Variants in ITGB4 observed in about 807,000 individuals in gnomAD.
ITGB4 encodes the protein integrin subunit beta 4.
Under a neutral mutation model 207.6 loss-of-function variants are expected in ITGB4, and 159 were observed. That is an observed-to-expected ratio of 0.77 (90% CI 0.67 to 0.87). The LOEUF is 0.87. Ranked by LOEUF, ITGB4 falls within the 40% of genes least tolerant of loss-of-function variation. The pLI, the probability that ITGB4 is intolerant of heterozygous loss-of-function variation, is 0.00. For missense variants in ITGB4, 2,278 were observed against 2,546.8 expected (o/e 0.89, Z 2.27); for synonymous variants, 1,020 against 1,062.7 (o/e 0.96, Z 0.78).
chr17:75,756,837 C>G lies in ITGB4; in HGVS notation c.5031C>G (p.Thr1677=). 9 of 1,612,372 alleles carry G rather than the reference C, an allele frequency of 5.6e-6. No individual in the cohort carries two copies. The highest frequency in any genetic ancestry group is 7.6e-6 in the Non-Finnish European group (9 of 1,179,994). The stretch of plus-strand genomic sequence containing the variant: ...GGGATATCGTCGGCTACCTGGTGAC[C>G]TGTGAGATGGCCCAAGGAGGAGGTG... The part of the protein sequence containing the change: ...PNGDIVGYLV[T]CEMAQGGGPA... Residue 1677 remains threonine (T), a synonymous_variant, in exon 37 of 40, where the codon ACC becomes ACG. Transcript: ENST00000200181.
At position 75,753,985 on chromosome 17, in the gene ITGB4, C is replaced by T; in HGVS notation, c.4318+11C>T. On this transcript the variant is annotated intron_variant, in intron 33 of 39. Coordinates refer to ENST00000200181, the MANE Select transcript of ITGB4 (RefSeq NM_000213.5). ...CCGGGCCCCCCGGAGGTGACAGGCT[C>T]ACCCGCCGCCCCCCGATCCGCGCCC... 1 of 1,163,286 alleles carries T rather than the reference C, an allele frequency of 8.6e-7. No individual in the cohort carries two copies. The highest frequency in any genetic ancestry group is 3.4e-5 in the South Asian group (1 of 29,522). The allele number at this position is 1,163,286 out of a possible 1,614,324, so 72.1% of individuals were successfully genotyped here.
At position 75,729,247 on chromosome 17, in the gene ITGB4, C is replaced by T. The variant is rs777708593; in HGVS notation, c.567-18C>T. On this transcript the variant is annotated intron_variant, in intron 6 of 39. Coordinates refer to ENST00000200181, the MANE Select transcript of ITGB4 (RefSeq NM_000213.5). This position sits in a 1 kb window ranked among gnomAD's most constrained non-coding sequence, Gnocchi z 4.4. ...TCTTCCCCCTGTGACACTCTCTCTC[C>T]CTCCCACCTCTGCCCAGGCTGAAGG... 5.0e-6 allele frequency: 8 copies of T among 1,612,680 alleles called. No homozygotes were observed. In the African/African-American group the frequency reaches 5.3e-5, roughly 11 times the overall value.
rs761102118 is a variant in ITGB4, at chr17:75,727,894, G to T, written c.469+39G>T. The T allele has an allele frequency of 6.3e-7, 1 of 1,589,026 alleles. No homozygotes were observed. The highest frequency in any genetic ancestry group is 1.3e-5 in the African/African-American group (1 of 74,416). On this transcript the variant is annotated intron_variant, in intron 5 of 39. Transcript: ENST00000200181. This position sits in a 1 kb window ranked among gnomAD's most constrained non-coding sequence, Gnocchi z 6.0. ...AGAGTGGAGGACAGCAGGGCAGGAG[G>T]GGGACAGGTGGGCGTCTGCTTGGGA...
intron 26 of ITGB4, among the ~76,000 whole-genome samples, chr17:75,746,812 G>A (rs961194696): frequency 6.6e-6 from 1 of 151,460 alleles, no homozygotes; most frequent in Non-Finnish European, 1.5e-5. Context: ...GTTGTGGTGT[G>A]CACCTGTGGT....
At position 75,751,101 on chromosome 17, in the gene ITGB4, C is replaced by T. The variant is rs760218717; in HGVS notation, c.3783C>T (p.Asn1261=). Residue 1261 remains asparagine, a synonymous_variant, in exon 30 of 40, where the codon AAC becomes AAT. Coordinates refer to ENST00000200181, the MANE Select transcript of ITGB4 (RefSeq NM_000213.5). ...TAYEVCYGLV[N]DDNRPIGPMK... is the part of the protein sequence containing the mutation. ...ACGAGGTCTGCTATGGCCTGGTCAACGATGACAACCGTAAGAACCAGATCC... is the reference window on the plus strand; with the variant it reads ...ACGAGGTCTGCTATGGCCTGGTCAATGATGACAACCGTAAGAACCAGATCC... The T allele has an allele frequency of 6.8e-6, 11 of 1,613,576 alleles. No homozygotes were observed. The East Asian group carries it at 8.9e-5, about 13-fold the overall frequency.
intron 33 of ITGB4, 110 bp from the exon 34 acceptor site, chr17:75,754,466 G>A: frequency 1.4e-6 from 2 of 1,437,206 alleles, no homozygotes; most frequent in Non-Finnish European, 1.9e-6. Flanking sequence ...TTGTATTTAA[G>A]CAAAAGCCAC....
chr17:75,745,578 AAAT>A (rs1304922240), intron 26 of ITGB4, among the ~76,000 whole-genome samples: 1 of 151,816 alleles, frequency 6.6e-6, no homozygotes, highest in African/African-American at 2.4e-5. Context: ...TATTTTAAAA[AAAT>A]AATAATAATA....
chr17:75,724,525 G>A (rs934655094), intron 1 of ITGB4, among the ~76,000 whole-genome samples, 169 bp from the exon 2 acceptor site: 6 of 152,262 alleles, frequency 3.9e-5, no homozygotes, highest in Admixed American at 1.3e-4. Flanking sequence ...ACAGGGCAGC[G>A]GAAAAGGCAG....
chr17:75,757,466 C>T lies in ITGB4; in HGVS notation c.5380C>T (p.Arg1794Trp), dbSNP rs1298050025. 8.1e-6 allele frequency: 13 copies of T among 1,612,662 alleles called. No individual in the cohort carries two copies. The highest frequency in any genetic ancestry group is 1.7e-5 in the Admixed American group (1 of 59,998). The change falls in exon 40 of 40, where the codon CGG becomes TGG. Residue 1794 changes from arginine to tryptophan, a missense_variant. Physicochemically the swap from Arg to Trp is moderately radical, Grantham distance 101. Coordinates refer to ENST00000200181, the MANE Select transcript of ITGB4 (RefSeq NM_000213.5). ...QHLEAGGSLTRHVTQEFVSRT... is the reference protein window; with the variant it reads ...QHLEAGGSLTWHVTQEFVSRT... ...CCTGGAGGCAGGCGGCTCCCTCACC[C>T]GGCATGTGACCCAGGAGTTTGTGAG...
chr17:75,750,249 G>T lies in ITGB4; in HGVS notation c.3455G>T (p.Gly1152Val), dbSNP rs1230730371. Residue 1152 changes from glycine to valine, a missense_variant, in exon 28 of 40, where the codon GGC (glycine) becomes GTC (valine). Gly to Val is a moderately radical substitution (Grantham distance 109). Transcript: ENST00000200181. The surrounding 1 kb of genome is among the most constrained non-coding windows in gnomAD (Gnocchi z 5.5). ...CATTTCAACTGGCTGCCCCCTTCTG[G>T]CAAGCCAATGGGGTACAGGGTAAGG... ...KIHFNWLPPS[G>V]KPMGYRVKYW... 12 of 1,613,112 alleles carry T rather than the reference G, an allele frequency of 7.4e-6. No individual in the cohort carries two copies. Among genetic ancestry groups the T allele is most frequent in the Non-Finnish European group, 1.0e-5 (12 of 1,179,814 alleles).
rs2061098908 is a variant in ITGB4, at chr17:75,741,064, C to T, written c.2633+59C>T. 8 of 1,581,706 alleles carry T rather than the reference C, an allele frequency of 5.1e-6. No homozygotes were observed. The South Asian group carries it at 7.8e-5, about 15-fold the overall frequency. On this transcript the variant is annotated intron_variant, in intron 23 of 39. Transcript: ENST00000200181. ...ACTTCCTGCCCGCCTGTCCCCAGCC[C>T]AGCCACTGCCTCGTCCGTCCCTACT... is the stretch of plus-strand genomic sequence containing the variant.
intron 26 of ITGB4, 21 bp downstream of exon 26, chr17:75,743,882 C>T (rs778717982): frequency 1.0e-5 from 16 of 1,562,650 alleles, no homozygotes; most frequent in East Asian, 7.2e-5. Context: ...GCCACAGGGT[C>T]GAGGGTGCAG....
At position 75,743,858 on chromosome 17, in the gene ITGB4, C is replaced by T. The variant is rs767298960; in HGVS notation, c.3108C>T (p.Asn1036=). 1.3e-5 allele frequency: 21 copies of T among 1,583,410 alleles called. No homozygotes were observed. The highest frequency in any genetic ancestry group is 1.8e-5 in the Non-Finnish European group (21 of 1,165,556). ...YRTQDGTAQG[N]RDYIPVEGEL... is the part of the protein sequence containing the mutation. ...CACAGGATGGCACCGCGCAGGGCAACCGGGTGAGGCTGCGCCACAGGGTCG... is the reference window on the plus strand; with the variant it reads ...CACAGGATGGCACCGCGCAGGGCAATCGGGTGAGGCTGCGCCACAGGGTCG... The change falls in exon 26 of 40, where the codon AAC becomes AAT. Residue 1036 remains asparagine, a synonymous_variant. Transcript: ENST00000200181.
At chr17:75,755,456 G>C (rs901515593) in intron 34 of ITGB4, among the ~76,000 whole-genome samples, 1 of 152,190 alleles carries the variant, frequency 6.6e-6, no homozygotes, top group African/African-American at 2.4e-5. Context: ...GAGCAGTTGA[G>C]GGGGTGGGGC....
chr17:75,751,196 C>T, intron 30 of ITGB4, 85 bp downstream of exon 30: 5 of 1,494,754 alleles, frequency 3.3e-6, no homozygotes, highest in Non-Finnish European at 4.6e-6. Flanking sequence ...CTCTTGGTCA[C>T]TCCCTGGACC....
chr17:75,750,052 C>A lies in ITGB4; in HGVS notation c.3317-59C>A. The A allele has an allele frequency of 3.1e-6, 5 of 1,602,172 alleles. No individual in the cohort carries two copies. The highest frequency in any genetic ancestry group is 4.3e-6 in the Non-Finnish European group (5 of 1,170,228). On this transcript the variant is annotated intron_variant, in intron 27 of 39. Coordinates refer to ENST00000200181, the MANE Select transcript of ITGB4 (RefSeq NM_000213.5). The surrounding 1 kb of genome is among the most constrained non-coding windows in gnomAD (Gnocchi z 5.5). The stretch of plus-strand genomic sequence containing the variant: ...CCTGGGTGTTGAAGTGGGTCTCTGG[C>A]GCCCCCTGGTGGTGAAGGGGGATCT...
chr17:75,756,471 C>T lies in ITGB4; in HGVS notation c.4751C>T (p.Ser1584Leu), dbSNP rs375075647. Reference sequence around the variant, plus strand: ...AACATCCCCAACCCTGCCCAGACCTCGGTGGTGGTGGAAGACCTCCTGCCC... The same window carrying T: ...AACATCCCCAACCCTGCCCAGACCTTGGTGGTGGTGGAAGACCTCCTGCCC... ...RLNIPNPAQT[S>L]VVVEDLLPNH... The change falls in exon 36 of 40, where the codon TCG (serine) becomes TTG (leucine). Residue 1584 changes from serine to leucine, a missense_variant. By Grantham distance (145) the Ser-to-Leu change is moderately radical. Coordinates refer to ENST00000200181, the MANE Select transcript of ITGB4 (RefSeq NM_000213.5). The T allele has an allele frequency of 1.7e-5, 27 of 1,613,206 alleles. No homozygotes were observed. In the African/African-American group the frequency reaches 2.0e-4, roughly 12 times the overall value.
chr17:75,732,013 C>T lies in ITGB4; in HGVS notation c.1377+40C>T, dbSNP rs550025647. On this transcript the variant is annotated intron_variant, in intron 11 of 39. Transcript: ENST00000200181. This position sits in a 1 kb window ranked among gnomAD's most constrained non-coding sequence, Gnocchi z 5.3. ...CGCAGGGCGGGAGGGGAGAGCTGAG[C>T]CAAGCACCCAGGGACCCTGAGGAAT... is the stretch of plus-strand genomic sequence containing the variant. 11 of 1,613,606 alleles carry T rather than the reference C, an allele frequency of 6.8e-6. No homozygotes were observed. The South Asian group carries it at 1.1e-4, about 16-fold the overall frequency.
In ITGB4 at chr17:75,728,877, G is replaced by A. The variant is rs147268718; in HGVS notation, c.567-388G>A. ...TGGGCACCGGTAGTCCCAGCTACTC[G>A]GGAGGCTGAGGCAGGAGAATGGCGT... On this transcript the variant is annotated intron_variant, in intron 6 of 39. Transcript: ENST00000200181. Among the ~76,000 whole-genome samples, 445 of 151,976 alleles carry A rather than the reference G, an allele frequency of 2.9e-3. 5 individuals are homozygous for A. Among genetic ancestry groups the A allele is most frequent in the African/African-American group, 0.01 (427 of 41,434 alleles).
Sources: allele counts gnomAD v4.1 joint callset (sites outside exome capture counted in the v4.1 genomes callset), GRCh38; gene constraint gnomAD v4.1.1; non-coding constraint Gnocchi (gnomAD v3.1); transcripts MANE v1.5; gene names NCBI Gene and HGNC (gene_info 2026-07-23, HGNC 2026-07-21).